Variants in FAM171A1 observed in about 807,000 individuals in gnomAD.
FAM171A1 encodes protein FAM171A1.
A neutral mutation model predicts 74.9 loss-of-function variants in FAM171A1; 23 were observed. The ratio of observed to expected loss-of-function variants is 0.31; its 90% CI spans 0.22 to 0.44. The LOEUF (loss-of-function observed/expected upper bound fraction) is 0.44, where lower values mean the gene tolerates loss of function less well. Ranked by LOEUF, FAM171A1 falls within the 20% of genes least tolerant of loss-of-function variation. FAM171A1 has a pLI of 1.00. For synonymous variants in FAM171A1, 527 were observed against 505.7 expected (o/e 1.04, Z -0.57); for missense variants, 1,162 against 1,159.2 (o/e 1.00, Z -0.03).
intron 1 of FAM171A1, among the ~76,000 whole-genome samples, chr10:15,344,326 G>C (rs1835796508): frequency 6.6e-6 from 1 of 152,130 alleles, no homozygotes. Flanking sequence ...GGCTATATTT[G>C]AGCCCAGGAG....
intron 1 of FAM171A1, among the ~76,000 whole-genome samples, chr10:15,311,479 T>C (rs986001447): frequency 1.3e-5 from 2 of 152,196 alleles, no homozygotes; most frequent in Non-Finnish European, 2.9e-5. Flanking sequence ...CCTGGGTAAA[T>C]GCTTTTGTTT....
Position 15,275,911 on chromosome 10 carries a change from C to T in FAM171A1, c.362G>A (p.Arg121His), listed in dbSNP as rs187780040. 125 of 1,612,606 alleles carry T rather than the reference C, an allele frequency of 7.8e-5. 1 individual carries two copies. The East Asian group carries it at 1.0e-3, about 14-fold the overall frequency. ...TTCATATACCATTAGAGTGGCAGAGCGTTCTGGAAGCAGGCCAAGGCTCAG... is the reference window on the plus strand; with the variant it reads ...TTCATATACCATTAGAGTGGCAGAGTGTTCTGGAAGCAGGCCAAGGCTCAG... The part of the protein sequence containing the change: ...SSLSLGLLPE[R>H]SATLMVYEDV... The change falls in exon 3 of 8, where the codon CGC (arginine) becomes CAC (histidine). Residue 121 changes from arginine (R) to histidine (H), a missense_variant. By Grantham distance (29) the Arg-to-His change is conservative. Coordinates refer to ENST00000378116, the MANE Select transcript of FAM171A1 (RefSeq NM_001010924.2).
chr10:15,285,499 A>G (rs1163636210), intron 1 of FAM171A1, among the ~76,000 whole-genome samples: 1 of 152,216 alleles, frequency 6.6e-6, no homozygotes. Context: ...GGACTCTGTG[A>G]TAACCCAGAA....
intron 5 of FAM171A1, among the ~76,000 whole-genome samples, chr10:15,228,297 A>G (rs558962951): frequency 1.3e-5 from 2 of 151,324 alleles, no homozygotes; most frequent in Non-Finnish European, 2.9e-5. Flanking sequence ...TCTCTTTTTG[A>G]GAAAGAGATT....
At chr10:15,272,722 C>A (rs564397314) in intron 3 of FAM171A1, among the ~76,000 whole-genome samples, 1 of 152,288 alleles carries the variant, frequency 6.6e-6, no homozygotes, top group African/African-American at 2.4e-5. Flanking sequence ...CAAACTAGAA[C>A]TCAGGATTAA....
chr10:15,320,101 A>C (rs1231666119), intron 1 of FAM171A1, among the ~76,000 whole-genome samples: 1 of 152,118 alleles, frequency 6.6e-6, no homozygotes, highest in Non-Finnish European at 1.5e-5. Context: ...CCCAAGAGGT[A>C]GTATTTCTAT....
rs1194123903 is a variant in FAM171A1 at position 15,276,181 on chromosome 10, C to CT, written c.326-235dup. 5.5e-3 allele frequency among the ~76,000 whole-genome samples: 827 copies of CT among 149,310 alleles called. 6 individuals carry two copies. The highest frequency in any genetic ancestry group is 0.019 in the African/African-American group (775 of 40,748). Reference sequence around the variant, plus strand: ...TCTTTTTTCATTTGTTAGAAGTTTTCTTTTTTTTTTCTTTTTTCTGAGACG... The same window carrying CT: ...TCTTTTTTCATTTGTTAGAAGTTTTCTTTTTTTTTTTCTTTTTTCTGAGACG... On this transcript the variant is annotated intron_variant, in intron 2 of 7. Coordinates refer to ENST00000378116, the MANE Select transcript of FAM171A1 (RefSeq NM_001010924.2).
At chr10:15,351,567 C>CTATGGATGGATGGATG (rs1554757200) in intron 1 of FAM171A1, among the ~76,000 whole-genome samples, 1 of 146,350 alleles carries the variant, frequency 6.8e-6, no homozygotes, top group Non-Finnish European at 1.5e-5. Context: ...AAAGTAGGGA[C>CTATGGATGGATGGATG]GATGGATGGA....
intron 1 of FAM171A1, among the ~76,000 whole-genome samples, chr10:15,298,751 C>T (rs900594145): frequency 2.6e-5 from 4 of 151,974 alleles, no homozygotes; most frequent in South Asian, 4.1e-4. Flanking sequence ...GACTATACCA[C>T]GGAAATGTAA....
At chr10:15,340,746 T>TG (rs1421634727) in intron 1 of FAM171A1, among the ~76,000 whole-genome samples, 1 of 152,136 alleles carries the variant, frequency 6.6e-6, no homozygotes, top group African/African-American at 2.4e-5. Context: ...GTCTTGATAG[T>TG]GAGTGTATTT....
rs183617418 is a variant in FAM171A1, at chr10:15,365,675, C to T, written c.97+5281G>A. ...ATCCCAGCTACTAGGGAGGCCGAGGCAGGAGAATCTTTTCAACCTGGGAGG... is the reference window on the plus strand; with the variant it reads ...ATCCCAGCTACTAGGGAGGCCGAGGTAGGAGAATCTTTTCAACCTGGGAGG... On this transcript the variant is annotated intron_variant, in intron 1 of 7. Coordinates refer to ENST00000378116, the MANE Select transcript of FAM171A1 (RefSeq NM_001010924.2). Among the ~76,000 whole-genome samples, 113 of 151,312 alleles carry T rather than the reference C, an allele frequency of 7.5e-4. 2 individuals carry two copies. The East Asian group carries it at 0.021, about 28-fold the overall frequency.
chr10:15,312,702 T>G lies in FAM171A1; in HGVS notation c.98-28597A>C, dbSNP rs1316775244. 1.5e-4 allele frequency among the ~76,000 whole-genome samples: 14 copies of G among 92,184 alleles called. No individual in the cohort carries two copies. The East Asian group carries it at 3.4e-3, about 23-fold the overall frequency. 60.5% of individuals were successfully genotyped at this position (92,184 alleles called of 152,430 possible). ...TTTTTTTTTTTTTTTTTTTTTTTTT[T>G]TTTTTTTTTTTTGAGACGATATTTT... On this transcript the variant is annotated intron_variant, in intron 1 of 7. Transcript: ENST00000378116.
At chr10:15,314,998 C>T (rs1835405905) in intron 1 of FAM171A1, among the ~76,000 whole-genome samples, 1 of 152,228 alleles carries the variant, frequency 6.6e-6, no homozygotes, top group Admixed American at 6.5e-5. Context: ...CGATCTCAGA[C>T]TCCAGTTTGG....
intron 3 of FAM171A1, among the ~76,000 whole-genome samples, chr10:15,263,741 G>GTCTATCTA (rs55705228): frequency 0.094 from 13,208 of 140,516 alleles, 634 homozygotes; most frequent in South Asian, 0.14. Flanking sequence ...CTATCTGTCT[G>GTCTATCTA]TCTATCTATC....
intron 1 of FAM171A1, among the ~76,000 whole-genome samples, chr10:15,354,072 C>T (rs764708574): frequency 1.3e-4 from 20 of 152,212 alleles, no homozygotes; most frequent in Admixed American, 1.3e-3. Flanking sequence ...ACATGGACAG[C>T]CCAGGTGTGT....
chr10:15,218,022 C>A (rs1833988601), intron 6 of FAM171A1, among the ~76,000 whole-genome samples: 1 of 152,166 alleles, frequency 6.6e-6, no homozygotes, highest in African/African-American at 2.4e-5. Flanking sequence ...TTAGGGTACA[C>A]ATAAAAGTAT....
Position 15,212,861 on chromosome 10 carries a change from G to A in FAM171A1, c.*54C>T. 1 of 1,599,132 alleles carries A rather than the reference G, an allele frequency of 6.3e-7. No individual in the cohort carries two copies. The highest frequency in any genetic ancestry group is 8.5e-7 in the Non-Finnish European group (1 of 1,174,612). On this transcript the variant is annotated 3_prime_UTR_variant, in exon 8 of 8. Coordinates refer to ENST00000378116, the MANE Select transcript of FAM171A1 (RefSeq NM_001010924.2). ...TCCACGAACGGGTACGCGCTTCCAT[G>A]AGAAAGGATATTTGGCAATTTTATA...
chr10:15,331,848 T>TACATAC (rs1372362633), intron 1 of FAM171A1, among the ~76,000 whole-genome samples: 1 of 82,642 alleles, frequency 1.2e-5, no homozygotes, highest in Non-Finnish European at 2.2e-5. Context: ...TATGTGTGTA[T>TACATAC]ATATATGTGT....
At chr10:15,242,858 T>C (rs1834380032) in intron 5 of FAM171A1, among the ~76,000 whole-genome samples, 1 of 152,192 alleles carries the variant, frequency 6.6e-6, no homozygotes, top group Non-Finnish European at 1.5e-5. Context: ...TCATGGTTAT[T>C]TTTTCAGAGA....
Sources: allele counts gnomAD v4.1 joint callset (sites outside exome capture counted in the v4.1 genomes callset), GRCh38; gene constraint gnomAD v4.1.1; transcripts MANE v1.5; gene names NCBI Gene and HGNC (gene_info 2026-07-23, HGNC 2026-07-21).